The following KANK1 variants were observed in gnomAD, a reference collection of about 807,000 sequenced individuals.
The protein encoded by KANK1 is KN motif and ankyrin repeat domains 1.
Under a neutral mutation model 106.2 loss-of-function variants are expected in KANK1, and 109 were observed. The observed-to-expected ratio is 1.03, with a 90% CI of 0.88 to 1.20. KANK1 has a LOEUF of 1.20. KANK1 is among the 50% of genes most tolerant of loss of function. The pLI is 0.00. For synonymous variants in KANK1, 873 were observed against 652.2 expected, an observed-to-expected ratio of 1.34 and a Z score of -5.16; for missense variants, 2,399 against 1,710.7, an observed-to-expected ratio of 1.40 and a Z score of -7.10.
At chr9:652,290 G>A (rs1200870557) in intron 1 of KANK1, among the ~76,000 whole-genome samples, 1 of 152,122 alleles carries the variant, frequency 6.6e-6, no homozygotes, top group Non-Finnish European at 1.5e-5. Flanking sequence ...GGAGGCTAAG[G>A]CGGGTGGATC....
At chr9:545,750 TTA>T (rs1491330083) in intron 1 of KANK1, among the ~76,000 whole-genome samples, 46 of 125,754 alleles carry the variant, frequency 3.7e-4, no homozygotes, top group African/African-American at 9.6e-4. Context: ...TTTTTTTTTT[TTA>T]AATTCCCTGA....
intron 3 of KANK1, among the ~76,000 whole-genome samples, chr9:498,796 G>T (rs1385569487): frequency 2.0e-5 from 3 of 152,196 alleles, no homozygotes; most frequent in African/African-American, 7.2e-5. Context: ...CAAAGATTTG[G>T]AGAAATTAGG....
intron 1 of KANK1, among the ~76,000 whole-genome samples, chr9:656,121 A>G (rs1563935077): frequency 2.0e-5 from 3 of 152,314 alleles, no homozygotes; most frequent in Middle Eastern, 3.4e-3. Flanking sequence ...TTCTTGGGAC[A>G]TGGCTTCATC....
At chr9:657,458 C>T (rs1423679534) in intron 1 of KANK1, among the ~76,000 whole-genome samples, 4 of 152,088 alleles carry the variant, frequency 2.6e-5, no homozygotes. Flanking sequence ...ATACTGTTTT[C>T]TGTAGCAGCT....
intron 2 of KANK1, among the ~76,000 whole-genome samples, chr9:691,466 G>T (rs1174608694): frequency 2.7e-5 from 4 of 150,622 alleles, no homozygotes; most frequent in African/African-American, 7.3e-5. Flanking sequence ...TCACTATTTT[G>T]CTTAGGCTGG....
intron 1 of KANK1, among the ~76,000 whole-genome samples, chr9:630,581 G>A (rs754815386): frequency 1.2e-4 from 18 of 151,860 alleles, no homozygotes; most frequent in Non-Finnish European, 1.9e-4. Context: ...GAGTAGCTTC[G>A]TTTCAGGTGG....
chr9:485,961 AC>A (rs1028319084), intron 3 of KANK1, among the ~76,000 whole-genome samples: 4 of 152,016 alleles, frequency 2.6e-5, no homozygotes, highest in African/African-American at 9.7e-5. Context: ...ATCAAGCTGA[AC>A]CTGAAGTCAG....
intron 1 of KANK1, among the ~76,000 whole-genome samples, chr9:584,637 A>G (rs1823003797): frequency 6.6e-6 from 1 of 152,198 alleles, no homozygotes; most frequent in Non-Finnish European, 1.5e-5. Context: ...ACTTGATAAC[A>G]TAGAGCTGTT....
At chr9:736,632 T>G (rs1011367138) in intron 7 of KANK1, among the ~76,000 whole-genome samples, 1 of 151,826 alleles carries the variant, frequency 6.6e-6, no homozygotes, top group African/African-American at 2.4e-5. Context: ...CCCAGGAAGT[T>G]CAGGCTGCAG....
At chr9:646,860 A>AT (rs34747459) in intron 1 of KANK1, among the ~76,000 whole-genome samples, 31,821 of 148,632 alleles carry the variant, frequency 0.21, 5,397 homozygotes, top group African/African-American at 0.4. Context: ...CGCCTGGCTA[A>AT]TTTTTTTTTG....
chr9:576,711 G>T (rs928076642), intron 1 of KANK1, among the ~76,000 whole-genome samples: 1 of 152,000 alleles, frequency 6.6e-6, no homozygotes, highest in African/African-American at 2.4e-5. Flanking sequence ...CTTCTTCCTG[G>T]AACAGTAATT....
At chr9:509,795 G>A (rs922620033) in intron 1 of KANK1, among the ~76,000 whole-genome samples, 1 of 152,060 alleles carries the variant, frequency 6.6e-6, no homozygotes, top group Non-Finnish European at 1.5e-5. Context: ...ATTGATTAAA[G>A]AAATCTTTTT....
In KANK1 at chr9:731,246, G is replaced by A; in HGVS notation, c.2985G>A (p.Gln995=). 1 of 1,604,860 alleles carries A rather than the reference G, an allele frequency of 6.2e-7. No individual in the cohort carries two copies. Among genetic ancestry groups the A allele is most frequent in the African/African-American group, 1.3e-5 (1 of 74,820 alleles). Residue 995 remains glutamine, a synonymous_variant, in exon 5 of 12, where the codon CAG becomes CAA. Transcript: ENST00000382297. ...KDSNGAKKNL[Q]FVGINGGYET... ...CAAATGGCGCAAAAAAGAATCTTCAGTTTGTTGGCATTAATGGAGGGTAAG... is the reference window on the plus strand; with the variant it reads ...CAAATGGCGCAAAAAAGAATCTTCAATTTGTTGGCATTAATGGAGGGTAAG...
At chr9:598,013 G>A (rs1367146371) in intron 1 of KANK1, among the ~76,000 whole-genome samples, 2 of 151,618 alleles carry the variant, frequency 1.3e-5, no homozygotes, top group East Asian at 3.9e-4. Context: ...TTATACTTAG[G>A]TTGTTAATTC....
chr9:485,066 A>T (rs986682519), intron 3 of KANK1, among the ~76,000 whole-genome samples: 4 of 152,222 alleles, frequency 2.6e-5, no homozygotes, highest in Admixed American at 2.0e-4. Flanking sequence ...TTGGGCTTTA[A>T]GAAACAGCAT....
intron 1 of KANK1, among the ~76,000 whole-genome samples, chr9:585,159 C>CG (rs1318019663): frequency 6.6e-6 from 1 of 152,220 alleles, no homozygotes; most frequent in Non-Finnish European, 1.5e-5. Flanking sequence ...CTTGACCCTT[C>CG]ACTGTGTCTT....
In KANK1 at chr9:491,840, T is replaced by C. The variant is rs188826649; in HGVS notation, c.-362+18567T>C. On this transcript the variant is annotated intron_variant, in intron 3 of 15. Transcript: ENST00000382303. ...GGTCTTTCCCATGCTGTTCTTGTGA[T>C]AGTGATTAAGTCTCACAAGATCTGA... Among the ~76,000 whole-genome samples, 4 of 152,342 alleles carry C rather than the reference T, an allele frequency of 2.6e-5. No homozygotes were observed. In the East Asian group the frequency reaches 5.8e-4, roughly 22 times the overall value.
At chr9:510,507 AAAGT>A (rs1240736185) in intron 1 of KANK1, among the ~76,000 whole-genome samples, 2 of 152,158 alleles carry the variant, frequency 1.3e-5, no homozygotes, top group South Asian at 2.1e-4. Flanking sequence ...GCTTCCCCCA[AAAGT>A]AAGACTTGAG....
chr9:714,382 G>C (rs1005820682), intron 3 of KANK1, among the ~76,000 whole-genome samples: 13 of 106,682 alleles, frequency 1.2e-4, no homozygotes, highest in Non-Finnish European at 3.8e-5. Context: ...TTTTTTTTGA[G>C]ACAGAGTCGC....
Sources: allele counts gnomAD v4.1 joint callset (sites outside exome capture counted in the v4.1 genomes callset), GRCh38; gene constraint gnomAD v4.1.1; transcripts MANE v1.5; gene names NCBI Gene and HGNC (gene_info 2026-07-23, HGNC 2026-07-21).